The following KCND3 variants were observed in gnomAD, a reference collection of about 807,000 sequenced individuals.
The protein encoded by KCND3 is A-type voltage-gated potassium channel KCND3.
A neutral mutation model predicts 51.1 loss-of-function variants in KCND3; 9 were observed. The ratio of observed to expected loss-of-function variants is 0.18; its 90% CI spans 0.11 to 0.31. The LOEUF (loss-of-function observed/expected upper bound fraction) is 0.31, where lower values mean the gene tolerates loss of function less well. Among genes scored for constraint, KCND3 ranks in the 10% least tolerant of loss-of-function variants. The pLI, the probability that KCND3 is intolerant of heterozygous loss-of-function variation, is 1.00. For missense variants in KCND3, 526 were observed against 903.8 expected (o/e 0.58, Z 5.36); for synonymous variants, 349 against 368.0 (o/e 0.95, Z 0.59).
At chr1:111,807,544 C>T (rs558168595) in intron 2 of KCND3, among the ~76,000 whole-genome samples, 64 of 152,204 alleles carry the variant, frequency 4.2e-4, no homozygotes, top group Non-Finnish European at 8.7e-4. Context: ...TGTGTGGTGG[C>T]GGGGGCCTGT....
At chr1:111,784,103 T>TCACACA (rs369429634) in intron 3 of KCND3, among the ~76,000 whole-genome samples, 4,045 of 117,506 alleles carry the variant, frequency 0.034, 92 homozygotes, top group African/African-American at 0.068. Context: ...CATTAACTTA[T>TCACACA]CACACACACA....
At chr1:111,843,410 C>T (rs1435292787) in intron 2 of KCND3, among the ~76,000 whole-genome samples, 1 of 152,216 alleles carries the variant, frequency 6.6e-6, no homozygotes, top group Non-Finnish European at 1.5e-5. Context: ...CTCCAGATGG[C>T]ATGGGCCCCA....
intron 2 of KCND3, among the ~76,000 whole-genome samples, chr1:111,873,607 C>A (rs1344303927): frequency 6.6e-6 from 1 of 152,082 alleles, no homozygotes; most frequent in African/African-American, 2.4e-5. Context: ...CTGTTATGTG[C>A]AGCTGCAGAC....
Position 111,862,474 on chromosome 1 carries a change from T to A in KCND3, c.1107-75368A>T, listed in dbSNP as rs142418587. ...AAACTATGCAATGGGGCCACTGGAG[T>A]ATACCCTTAATTCTAATATGGTGAG... On this transcript the variant is annotated intron_variant, in intron 2 of 7. Transcript: ENST00000302127. Among the ~76,000 whole-genome samples the A allele has an allele frequency of 3.3e-3, 505 of 152,322 alleles. 3 individuals carry two copies. Among genetic ancestry groups the A allele is most frequent in the African/African-American group, 0.011 (477 of 41,564 alleles).
intron 2 of KCND3, among the ~76,000 whole-genome samples, chr1:111,818,044 AC>A (rs1666178198): frequency 6.4e-5 from 2 of 31,358 alleles, no homozygotes; most frequent in African/African-American, 1.6e-4. Context: ...GCGCGTGCAC[AC>A]ACACACACAC....
At chr1:111,957,822 T>C (rs1673415920) in intron 2 of KCND3, among the ~76,000 whole-genome samples, 1 of 152,220 alleles carries the variant, frequency 6.6e-6, no homozygotes, top group South Asian at 2.1e-4. Flanking sequence ...GCTTTTGTGC[T>C]ACAACAGCAG....
rs189074722 is a variant in KCND3 at position 111,811,959 on chromosome 1, T to C, written c.1107-24853A>G. Reference sequence around the variant, plus strand: ...AGTTAGGGACAGCGCAGAGTGGTGATGAAGGACCAGTGAGAGCATTCCTTG... The same window carrying C: ...AGTTAGGGACAGCGCAGAGTGGTGACGAAGGACCAGTGAGAGCATTCCTTG... On this transcript the variant is annotated intron_variant, in intron 2 of 7. Transcript: ENST00000302127. Among the ~76,000 whole-genome samples, 267 of 152,258 alleles carry C rather than the reference T, an allele frequency of 1.8e-3. 1 individual carries two copies. The highest frequency in any genetic ancestry group is 6.1e-3 in the African/African-American group (253 of 41,536).
intron 2 of KCND3, among the ~76,000 whole-genome samples, chr1:111,866,420 A>G (rs908005256): frequency 5.9e-5 from 9 of 151,948 alleles, no homozygotes; most frequent in African/African-American, 1.2e-4. Context: ...GTGCGCCACC[A>G]TGCCCAGTCA....
At chr1:111,863,248 T>A (rs923879963) in intron 2 of KCND3, among the ~76,000 whole-genome samples, 1 of 152,158 alleles carries the variant, frequency 6.6e-6, no homozygotes, top group African/African-American at 2.4e-5. Context: ...CCAGACTGAC[T>A]AATTAAAAGT....
intron 2 of KCND3, among the ~76,000 whole-genome samples, chr1:111,873,478 C>T (rs1326537672): frequency 6.6e-6 from 1 of 152,150 alleles, no homozygotes; most frequent in Admixed American, 6.5e-5. Context: ...AGTAGCCCTA[C>T]TTGGGGTGAG....
chr1:111,943,417 G>A (rs992798579), intron 2 of KCND3, among the ~76,000 whole-genome samples: 1 of 152,158 alleles, frequency 6.6e-6, no homozygotes, highest in Non-Finnish European at 1.5e-5. Context: ...AGTTCAAGCT[G>A]GAGGAAACTT....
intron 2 of KCND3, among the ~76,000 whole-genome samples, chr1:111,873,836 A>T (rs1557991825): frequency 6.6e-6 from 1 of 152,012 alleles, no homozygotes. Context: ...CCTGTTTGGC[A>T]GCCTGTGGTA....
chr1:111,868,557 G>T (rs978894040), intron 2 of KCND3, among the ~76,000 whole-genome samples: 1 of 152,110 alleles, frequency 6.6e-6, no homozygotes, highest in Admixed American at 6.5e-5. Context: ...ATGGGCATGG[G>T]GGGGACTACC....
chr1:111,865,688 C>T (rs1405591022), intron 2 of KCND3, among the ~76,000 whole-genome samples: 1 of 152,074 alleles, frequency 6.6e-6, no homozygotes, highest in Admixed American at 6.5e-5. Flanking sequence ...TTTGGGGTTT[C>T]CTTAAAGACA....
chr1:111,787,211 C>A, intron 2 of KCND3, 105 bp from the exon 3 acceptor site: 1 of 1,217,568 alleles, frequency 8.2e-7, no homozygotes, highest in African/African-American at 1.5e-5. Context: ...ATTCATTCAG[C>A]AATTGCTTAG....
intron 2 of KCND3, among the ~76,000 whole-genome samples, chr1:111,922,783 A>C (rs1339038392): frequency 2.0e-5 from 3 of 152,234 alleles, no homozygotes; most frequent in African/African-American, 7.2e-5. Context: ...GATTTCAGGC[A>C]AGTTACTTGA....
intron 2 of KCND3, among the ~76,000 whole-genome samples, chr1:111,876,651 C>T (rs1468103076): frequency 1.3e-5 from 2 of 152,204 alleles, no homozygotes; most frequent in East Asian, 1.9e-4. Flanking sequence ...AGAAAAGTGA[C>T]TTTTGAATTA....
At chr1:111,819,480 G>A (rs1052799408) in intron 2 of KCND3, among the ~76,000 whole-genome samples, 73 of 152,048 alleles carry the variant, frequency 4.8e-4, no homozygotes. Flanking sequence ...AATATTCACA[G>A]AATTCTAAAG....
At chr1:111,814,756 G>C (rs893209916) in intron 2 of KCND3, among the ~76,000 whole-genome samples, 28 of 152,216 alleles carry the variant, frequency 1.8e-4, no homozygotes, top group African/African-American at 6.3e-4. Flanking sequence ...TCAGATGTCT[G>C]GCTTGTGCAG....
Sources: gnomAD v4.1 joint callset for allele counts (sites outside exome capture counted in the v4.1 genomes callset) on GRCh38, gnomAD v4.1.1 for gene constraint, MANE v1.5 for transcripts, NCBI Gene and HGNC (gene_info 2026-07-23, HGNC 2026-07-21) for gene names.